The following UTY variants were observed in gnomAD, a reference collection of about 807,000 sequenced individuals.
UTY encodes the protein ubiquitously transcribed tetratricopeptide repeat containing, Y-linked, also known as histone demethylase UTY.
In UTY, 12 loss-of-function variants were observed where a neutral mutation model predicts 32.5. The ratio of observed to expected loss-of-function variants is 0.37; its 90% CI spans 0.24 to 0.60. UTY has a LOEUF of 0.60. Among genes scored for constraint, UTY ranks in the 20% least tolerant of loss-of-function variants. The pLI is 0.69. For synonymous variants in UTY, 131 were observed against 103.4 expected (o/e 1.27, Z -1.62); for missense variants, 303 against 299.2 (o/e 1.01, Z -0.09).
chrY:13,333,183 A>T (rs2060812092), intron 18 of UTY, among the ~76,000 whole-genome samples: 1 of 33,362 alleles, frequency 3.0e-5, no homozygotes, highest in Non-Finnish European at 7.4e-5. Flanking sequence ...TGCTGTACCC[A>T]TAAAGCTACC....
chrY:13,406,829 A>C, intron 6 of UTY, among the ~76,000 whole-genome samples: 2 of 29,798 alleles, frequency 6.7e-5, no homozygotes, highest in Non-Finnish European at 1.6e-4. Flanking sequence ...TATATATATA[A>C]AATACTGTGA....
intron 8 of UTY, among the ~76,000 whole-genome samples, chrY:13,375,476 T>C (rs2065326461): frequency 3.0e-5 from 1 of 33,823 alleles, no homozygotes; most frequent in Non-Finnish European, 7.4e-5. Context: ...TAACATAGCC[T>C]GGGGGCTTCA....
rs2056606137 is a variant in UTY at position 13,275,356 on chromosome Y, TAA to T, written c.4011-14954_4011-14953del. The stretch of plus-strand genomic sequence containing the variant: ...CCTTCCATGGTGTTATGAAAATAGC[TAA>T]GAGTTCAGAAACGTCAGTATTCATC... On this transcript the variant is annotated intron_variant, in intron 27 of 29. Transcript: ENST00000545955. Among the ~76,000 whole-genome samples the T allele has an allele frequency of 4.4e-4, 15 of 33,908 alleles. No homozygotes were observed. In the South Asian group the frequency reaches 9.8e-3, roughly 22 times the overall value. The allele number at this position is 33,908 out of a possible 37,273, so 91.0% of individuals were successfully genotyped here.
At chrY:13,347,259 A>C in intron 17 of UTY, among the ~76,000 whole-genome samples, 1 of 33,240 alleles carries the variant, frequency 3.0e-5, no homozygotes, top group African/African-American at 1.2e-4. Flanking sequence ...AGGCTCAGCA[A>C]GTTCCTGCTT....
intron 27 of UTY, among the ~76,000 whole-genome samples, chrY:13,283,181 G>T (rs1019369082): frequency 5.9e-5 from 2 of 33,983 alleles, no homozygotes; most frequent in Non-Finnish European, 1.5e-4. Flanking sequence ...CCATTCCATC[G>T]GAGTGGAAGC....
intron 27 of UTY, among the ~76,000 whole-genome samples, chrY:13,270,133 G>T (rs780633456): frequency 3.0e-5 from 1 of 33,619 alleles, no homozygotes; most frequent in African/African-American, 1.2e-4. Flanking sequence ...AAGGTTTTGC[G>T]GCAAAATAAG....
chrY:13,462,850 CATAT>C (rs751323626), intron 3 of UTY, among the ~76,000 whole-genome samples: 1 of 28,351 alleles, frequency 3.5e-5, no homozygotes, highest in African/African-American at 1.4e-4. Flanking sequence ...AGGATATATA[CATAT>C]ATATATATAT....
intron 4 of UTY, among the ~76,000 whole-genome samples, chrY:13,422,325 C>T: frequency 1.2e-4 from 4 of 33,401 alleles, no homozygotes; most frequent in African/African-American, 4.7e-4. Flanking sequence ...TTCTTAAAAA[C>T]AGCTCATACT....
intron 10 of UTY, among the ~76,000 whole-genome samples, chrY:13,364,427 T>C: frequency 3.0e-5 from 1 of 33,012 alleles, no homozygotes; most frequent in South Asian, 6.8e-4. Context: ...TGTAGTGACA[T>C]GATTTTGGCT....
Position 13,355,142 on chromosome Y carries a change from C to T in UTY, c.1922G>A (p.Ser641Asn), listed in dbSNP as rs770545857. The T allele has an allele frequency of 2.5e-6, 1 of 398,368 alleles. No individual in the cohort carries two copies. The highest frequency in any genetic ancestry group is 3.0e-5 in the South Asian group (1 of 33,702). ...LGSTDTILLG[S>N]NCIAGSESNG... ...ACTTTCACTTCCTGCTATACAATTA[C>T]TGCCTAGCAAGATAGTGTCTGTACT... is the stretch of plus-strand genomic sequence containing the variant. Residue 641 changes from serine to asparagine, a missense_variant, in exon 17 of 30, where the codon AGT (serine) becomes AAT (asparagine). Coordinates refer to ENST00000545955, the MANE Select transcript of UTY (RefSeq NM_001258249.2).
intron 10 of UTY, among the ~76,000 whole-genome samples, chrY:13,362,883 G>C (rs2063685281): frequency 3.1e-5 from 1 of 32,307 alleles, no homozygotes; most frequent in Admixed American, 2.8e-4. Flanking sequence ...AGCTATAAAA[G>C]TATATTATTG....
At chrY:13,303,085 G>A in intron 24 of UTY, 94 bp from the exon 25 acceptor site, 4 of 153,529 alleles carry the variant, frequency 2.6e-5, no homozygotes, top group Non-Finnish European at 2.5e-5. Context: ...AGGACTGAGC[G>A]AAAAATACAT....
chrY:13,382,618 T>C, intron 8 of UTY, among the ~76,000 whole-genome samples: 1 of 34,325 alleles, frequency 2.9e-5, no homozygotes, highest in Non-Finnish European at 7.3e-5. Context: ...TCGTAAAATA[T>C]ACCTTAACAA....
chrY:13,258,959 C>T (rs1007507349), intron 28 of UTY, among the ~76,000 whole-genome samples: 2 of 34,174 alleles, frequency 5.9e-5, no homozygotes, highest in African/African-American at 2.3e-4. Flanking sequence ...ACAACACCCA[C>T]GCTGGAAGAC....
At chrY:13,370,047 G>C (rs1603443133) in intron 8 of UTY, among the ~76,000 whole-genome samples, 2 of 33,953 alleles carry the variant, frequency 5.9e-5, no homozygotes, top group East Asian at 1.5e-3. Flanking sequence ...GTAACTGTTT[G>C]TAATATTTAA....
At chrY:13,419,497 G>C in intron 4 of UTY, among the ~76,000 whole-genome samples, 2 of 34,396 alleles carry the variant, frequency 5.8e-5, no homozygotes, top group Non-Finnish European at 1.5e-4. Flanking sequence ...AGTAAACCAT[G>C]ATAAGTTGAA....
At chrY:13,259,673 G>C in intron 28 of UTY, among the ~76,000 whole-genome samples, 1 of 34,146 alleles carries the variant, frequency 2.9e-5, no homozygotes, top group African/African-American at 1.1e-4. Flanking sequence ...TATTCTTCAA[G>C]AACTCAAATG....
intron 27 of UTY, among the ~76,000 whole-genome samples, chrY:13,277,993 G>A: frequency 1.2e-4 from 4 of 32,965 alleles, no homozygotes; most frequent in Non-Finnish European, 1.5e-4. Flanking sequence ...TTCATTTGGG[G>A]AGAAAAAGGT....
chrY:13,306,249 T>G lies in UTY; in HGVS notation c.3278A>C (p.Glu1093Ala). Residue 1093 changes from glutamate (E) to alanine (A), a missense_variant and splice_region_variant, in exon 22 of 30, where the codon GAA (glutamate) becomes GCA (alanine). Glu to Ala is a moderately radical substitution (Grantham distance 107, BLOSUM62 -1). Transcript: ENST00000545955. ...QASSFQESLR[E>A]ENEKRTQHKD... ...GTGTTGTGTTCTTTTCTCATTTTCTTCCTTCAGGTTAAGAAAAAAATATTC... is the reference window on the plus strand; with the variant it reads ...GTGTTGTGTTCTTTTCTCATTTTCTGCCTTCAGGTTAAGAAAAAAATATTC... The G allele has an allele frequency of 2.6e-6, 1 of 385,861 alleles. No homozygotes were observed. Among genetic ancestry groups the G allele is most frequent in the East Asian group, 9.4e-5 (1 of 10,690 alleles).
Sources: gnomAD v4.1 joint callset for allele counts (sites outside exome capture counted in the v4.1 genomes callset) on GRCh38, gnomAD v4.1.1 for gene constraint, MANE v1.5 for transcripts, NCBI Gene and HGNC (gene_info 2026-07-23, HGNC 2026-07-21) for gene names.